NPM1: variants seen among roughly 807,000 people sequenced by gnomAD.
NPM1 encodes nucleophosmin.
A neutral mutation model predicts 44.1 loss-of-function variants in NPM1; 1 was observed. That is an observed-to-expected ratio of 0.02 (90% CI 0.01 to 0.11). NPM1 has a LOEUF of 0.11. Among genes scored for constraint, NPM1 ranks in the 10% least tolerant of loss-of-function variants. The probability of loss-of-function intolerance (pLI) is 1.00; values close to 1 mark genes in which losing one functional copy is unlikely to be tolerated. For synonymous variants in NPM1, 126 were observed against 111.8 expected (o/e 1.13, Z -0.80); for missense variants, 197 against 347.8 (o/e 0.57, Z 3.45).
intron 9 of NPM1, chr5:171,406,788 A>T (rs1047730271): frequency 3.3e-6 from 3 of 914,994 alleles, no homozygotes; most frequent in African/African-American, 3.5e-5. Flanking sequence ...TTACTAGGTT[A>T]TTGGAGGCAG....
At chr5:171,387,840 G>A (rs1022026027), upstream of NPM1, 16 of 1,020,566 alleles carry the variant, frequency 1.6e-5, no homozygotes, top group East Asian at 4.9e-5. Flanking sequence ...AGCGCGGGGA[G>A]CCTGCGTCCT....
At chr5:171,394,493 T>C (rs921390563) in intron 6 of NPM1, among the ~76,000 whole-genome samples, 1 of 152,076 alleles carries the variant, frequency 6.6e-6, no homozygotes, top group African/African-American at 2.4e-5. Context: ...CTTGAGATGG[T>C]GTTTTACCAT....
chr5:171,396,870 G>A (rs1359649354), intron 6 of NPM1, among the ~76,000 whole-genome samples: 5 of 152,184 alleles, frequency 3.3e-5, no homozygotes, highest in African/African-American at 9.7e-5. Flanking sequence ...CTGCTGGGGA[G>A]GCTGAGGCAG....
chr5:171,392,098 T>A (rs530860378), intron 4 of NPM1, among the ~76,000 whole-genome samples: 1 of 152,138 alleles, frequency 6.6e-6, no homozygotes, highest in African/African-American at 2.4e-5. Context: ...CACCACCAAG[T>A]CCAGTTGCGT....
At chr5:171,395,354 C>CAATG (rs1294236288) in intron 6 of NPM1, among the ~76,000 whole-genome samples, 2 of 151,430 alleles carry the variant, frequency 1.3e-5, no homozygotes, top group Non-Finnish European at 1.5e-5. Context: ...GGCTGGTGTG[C>CAATG]AATGGTATGA....
chr5:171,395,963 ATT>A (rs10709038), intron 6 of NPM1, among the ~76,000 whole-genome samples: 229 of 140,160 alleles, frequency 1.6e-3, no homozygotes, highest in African/African-American at 3.0e-3. Flanking sequence ...GTAAAGCTGA[ATT>A]TTTTTTTTTT....
intron 2 of NPM1, 22 bp downstream of exon 2, chr5:171,390,152 ACTACTTAACC>A (rs1770497168): frequency 5.9e-6 from 8 of 1,351,728 alleles, no homozygotes; most frequent in Non-Finnish European, 7.2e-6. Flanking sequence ...TTCAAAATAA[ACTACTTAACC>A]CTACTTGATT....
chr5:171,407,440 G>A, intron 9 of NPM1: 1 of 457,232 alleles, frequency 2.2e-6, no homozygotes, highest in East Asian at 3.9e-5. Flanking sequence ...AATCTCAAGT[G>A]TAGCTTATAT....
intron 6 of NPM1, among the ~76,000 whole-genome samples, chr5:171,394,148 T>C (rs1770749632): frequency 6.6e-6 from 1 of 151,352 alleles, no homozygotes; most frequent in South Asian, 2.1e-4. Flanking sequence ...TTCAAGCGAT[T>C]GTCCTGCCTC....
At position 171,405,346 on chromosome 5, in the gene NPM1, A is replaced by C. The variant is rs778045427; in HGVS notation, c.714A>C (p.Pro238=). Residue 238 remains proline, a synonymous_variant, in exon 9 of 11, where the codon CCA becomes CCC. Coordinates refer to ENST00000296930, the MANE Select transcript of NPM1 (RefSeq NM_002520.7). ...AACAGGAAAAAACTCCTAAAACACC[A>C]AAAGGACCTAGTTCTGTAGAAGACA... is the stretch of plus-strand genomic sequence containing the variant. ...FKKQEKTPKT[P]KGPSSVEDIK... 4.4e-6 allele frequency: 7 copies of C among 1,596,878 alleles called. No homozygotes were observed. Among genetic ancestry groups the C allele is most frequent in the Non-Finnish European group, 6.0e-6 (7 of 1,167,982 alleles).
Position 171,400,601 on chromosome 5 carries a change from C to CT in NPM1, c.583-237dup, listed in dbSNP as rs1771145411. ...CCTCCTGAGTAGCTGGAATTACAGA[C>CT]TCATGCCACCACACCCAGCTAATTT... On this transcript the variant is annotated intron_variant, in intron 7 of 10. Coordinates refer to ENST00000296930, the MANE Select transcript of NPM1 (RefSeq NM_002520.7). Among the ~76,000 whole-genome samples the CT allele has an allele frequency of 2.6e-5, 4 of 151,780 alleles. No individual in the cohort carries two copies. The South Asian group carries it at 8.3e-4, about 32-fold the overall frequency.
intron 8 of NPM1, among the ~76,000 whole-genome samples, chr5:171,403,937 C>T (rs1477910171): frequency 1.4e-5 from 1 of 71,792 alleles, no homozygotes; most frequent in Admixed American, 1.2e-4. Flanking sequence ...CCCTCCCGGA[C>T]GGGGCGGCTG....
chr5:171,409,580 CG>C (rs1771724238), intron 10 of NPM1, among the ~76,000 whole-genome samples: 1 of 152,154 alleles, frequency 6.6e-6, no homozygotes, highest in Admixed American at 6.5e-5. Flanking sequence ...TATTGGCATT[CG>C]GTATTCAGTT....
intron 9 of NPM1, chr5:171,406,646 C>A: frequency 7.6e-7 from 1 of 1,313,848 alleles, no homozygotes; most frequent in South Asian, 2.6e-5. Flanking sequence ...CTTTCTATTA[C>A]TTGTGCATTT....
intron 1 of NPM1, among the ~76,000 whole-genome samples, chr5:171,388,568 T>C (rs1581235327): frequency 1.5e-5 from 1 of 67,076 alleles, no homozygotes; most frequent in African/African-American, 6.1e-5. Context: ...CCGCAACCGC[T>C]GGGAGCACGT....
At chr5:171,391,515 G>A in intron 3 of NPM1, 91 bp downstream of exon 3, 2 of 1,510,462 alleles carry the variant, frequency 1.3e-6, no homozygotes, top group South Asian at 2.5e-5. Flanking sequence ...CAAGGAGATA[G>A]AAAGTGGTTC....
At chr5:171,396,721 C>G (rs1770907452) in intron 6 of NPM1, among the ~76,000 whole-genome samples, 1 of 152,132 alleles carries the variant, frequency 6.6e-6, no homozygotes, top group Admixed American at 6.5e-5. Flanking sequence ...CAGTTCACAC[C>G]TGTAATCCCA....
In NPM1 at chr5:171,392,614, G is replaced by A; in HGVS notation, c.353-96G>A. ...TTTTTTTTTTTTTTTAAATAGAATA[G>A]AAGTCTCAGTTTTTAGAGTATTTAC... On this transcript the variant is annotated intron_variant, in intron 4 of 10. Coordinates refer to ENST00000296930, the MANE Select transcript of NPM1 (RefSeq NM_002520.7). 6 of 575,262 alleles carry A rather than the reference G, an allele frequency of 1.0e-5. No individual in the cohort carries two copies. The South Asian group carries it at 1.2e-4, about 11-fold the overall frequency. 35.6% of individuals were successfully genotyped at this position (575,262 alleles called of 1,614,324 possible). A position where few individuals can be genotyped will look rare whatever the true frequency, so the allele number is the denominator to read the frequency against.
chr5:171,394,140 C>G (rs1770748734), intron 6 of NPM1, among the ~76,000 whole-genome samples: 2 of 145,758 alleles, frequency 1.4e-5, no homozygotes, highest in Middle Eastern at 7.6e-3. Flanking sequence ...CTCCTGGGTT[C>G]AAGCGATTGT....
Sources: allele counts gnomAD v4.1 joint callset (sites outside exome capture counted in the v4.1 genomes callset), GRCh38; gene constraint gnomAD v4.1.1; transcripts MANE v1.5; gene names NCBI Gene and HGNC (gene_info 2026-07-23, HGNC 2026-07-21).